SNTG1: variants seen among roughly 807,000 people sequenced by gnomAD.
SNTG1 encodes gamma-1-syntrophin.
SNTG1 carries 39 observed loss-of-function variants against 74.7 expected under a neutral mutation model. The ratio of observed to expected loss-of-function variants is 0.52; its 90% CI spans 0.40 to 0.68. The LOEUF is 0.68. SNTG1 is among the 30% of genes least tolerant of loss of function. SNTG1 has a pLI of 0.00. For synonymous variants in SNTG1, 254 were observed against 217.1 expected, an observed-to-expected ratio of 1.17 and a Z score of -1.49; for missense variants, 685 against 609.5, an observed-to-expected ratio of 1.12 and a Z score of -1.30.
intron 2 of SNTG1, among the ~76,000 whole-genome samples, chr8:50,218,210 C>T (rs1247319557): frequency 1.3e-5 from 2 of 152,174 alleles, no homozygotes; most frequent in Non-Finnish European, 2.9e-5. Flanking sequence ...TACCAACTAT[C>T]TCTGAGGAAT....
chr8:50,148,342 C>T (rs1051178566), intron 1 of SNTG1, among the ~76,000 whole-genome samples: 2 of 151,998 alleles, frequency 1.3e-5, no homozygotes, highest in Admixed American at 1.3e-4. Flanking sequence ...GTAGGTTGGA[C>T]TTAGAGACTC....
At chr8:50,033,473 A>G (rs1416676225) in intron 1 of SNTG1, among the ~76,000 whole-genome samples, 1 of 152,154 alleles carries the variant, frequency 6.6e-6, no homozygotes, top group Non-Finnish European at 1.5e-5. Flanking sequence ...ATGTCTTTGT[A>G]TTAGTTTGCT....
Position 49,959,909 on chromosome 8 carries a change from G to A in SNTG1, c.-103+47678G>A, listed in dbSNP as rs569140078. On this transcript the variant is annotated intron_variant, in intron 1 of 18. Transcript: ENST00000642720. ...GAATCCTTTAAGGTAAAATGGATGA[G>A]GATTTCTAGTTTAACCCTTATGCTT... Among the ~76,000 whole-genome samples the A allele has an allele frequency of 2.6e-5, 4 of 152,174 alleles. No homozygotes were observed. The South Asian group carries it at 8.3e-4, about 32-fold the overall frequency.
At chr8:50,482,147 T>C (rs2093746115) in intron 8 of SNTG1, among the ~76,000 whole-genome samples, 1 of 152,218 alleles carries the variant, frequency 6.6e-6, no homozygotes, top group East Asian at 1.9e-4. Context: ...GTTGTAGCTG[T>C]GGACTAGCTC....
intron 2 of SNTG1, among the ~76,000 whole-genome samples, chr8:50,246,281 C>A (rs1487970063): frequency 1.3e-5 from 2 of 151,758 alleles, no homozygotes; most frequent in African/African-American, 2.4e-5. Flanking sequence ...GGAGCAGATA[C>A]AAGGGGACAT....
At chr8:50,111,797 T>G (rs2080603148) in intron 1 of SNTG1, among the ~76,000 whole-genome samples, 1 of 152,052 alleles carries the variant, frequency 6.6e-6, no homozygotes, top group Non-Finnish European at 1.5e-5. Context: ...AGAATAACTC[T>G]GTGGCCAAAT....
intron 2 of SNTG1, among the ~76,000 whole-genome samples, chr8:50,177,374 C>T (rs965268687): frequency 6.6e-6 from 1 of 152,132 alleles, no homozygotes; most frequent in Admixed American, 6.5e-5. Flanking sequence ...GCTCTCACTA[C>T]CCCATGGTTA....
At chr8:50,318,064 C>T (rs1171797730) in intron 2 of SNTG1, among the ~76,000 whole-genome samples, 1 of 152,092 alleles carries the variant, frequency 6.6e-6, no homozygotes, top group Non-Finnish European at 1.5e-5. Context: ...TCTCGATCTC[C>T]TGACCTCGTG....
At chr8:50,115,714 T>C (rs2080796875) in intron 1 of SNTG1, among the ~76,000 whole-genome samples, 1 of 152,010 alleles carries the variant, frequency 6.6e-6, no homozygotes, top group South Asian at 2.1e-4. Context: ...TCTAGAACTT[T>C]ATTGTTTACA....
At chr8:50,785,356 T>C (rs560152753) in intron 18 of SNTG1, among the ~76,000 whole-genome samples, 3 of 151,890 alleles carry the variant, frequency 2.0e-5, no homozygotes, top group African/African-American at 7.2e-5. Flanking sequence ...TAAAAGAAGG[T>C]ATATTTTAGA....
chr8:50,116,551 A>G (rs1381389456), intron 1 of SNTG1, among the ~76,000 whole-genome samples: 10 of 152,196 alleles, frequency 6.6e-5, no homozygotes, highest in Admixed American at 6.5e-4. Flanking sequence ...GTCATTGCGT[A>G]CCTAATTCGT....
intron 9 of SNTG1, among the ~76,000 whole-genome samples, chr8:50,517,002 A>G (rs1230872825): frequency 6.6e-6 from 1 of 152,148 alleles, no homozygotes; most frequent in Non-Finnish European, 1.5e-5. Context: ...ATCAGATTCA[A>G]CACGGTTGAA....
intron 15 of SNTG1, among the ~76,000 whole-genome samples, chr8:50,698,621 C>G (rs1355884767): frequency 6.6e-6 from 1 of 152,114 alleles, no homozygotes; most frequent in Non-Finnish European, 1.5e-5. Flanking sequence ...GTTAGAGCCT[C>G]TTTAATGACA....
intron 15 of SNTG1, among the ~76,000 whole-genome samples, chr8:50,700,712 C>T (rs1028994007): frequency 5.3e-5 from 8 of 152,166 alleles, no homozygotes; most frequent in African/African-American, 1.4e-4. Context: ...GATGATTTAT[C>T]GTTCCTTATT....
At chr8:50,221,512 TACACACAC>T (rs71550218) in intron 2 of SNTG1, among the ~76,000 whole-genome samples, 85 of 130,194 alleles carry the variant, frequency 6.5e-4, no homozygotes, top group East Asian at 1.2e-3. Flanking sequence ...AACACACACA[TACACACAC>T]ACACACACAC....
chr8:50,708,836 G>T, intron 16 of SNTG1, 50 bp from the exon 17 acceptor site: 1 of 1,210,740 alleles, frequency 8.3e-7, no homozygotes, highest in Non-Finnish European at 1.2e-6. Flanking sequence ...TCATAATATT[G>T]ATATTGCATC....
intron 2 of SNTG1, among the ~76,000 whole-genome samples, chr8:50,314,549 C>CCAGT (rs2090242397): frequency 6.7e-6 from 1 of 149,590 alleles, no homozygotes; most frequent in Admixed American, 6.8e-5. Flanking sequence ...GGCACACCAA[C>CCAGT]CAGTCATCCA....
chr8:50,052,772 C>T (rs1819686592), intron 1 of SNTG1, among the ~76,000 whole-genome samples: 1 of 151,894 alleles, frequency 6.6e-6, no homozygotes, highest in Non-Finnish European at 1.5e-5. Flanking sequence ...GATATTTCTC[C>T]AAAAGAAGAA....
chr8:49,987,543 G>T (rs938734026), intron 1 of SNTG1, among the ~76,000 whole-genome samples: 3 of 151,942 alleles, frequency 2.0e-5, no homozygotes, highest in Admixed American at 1.3e-4. Context: ...GAGCATTTTT[G>T]AATATAGTTG....
Sources: allele counts gnomAD v4.1 joint callset (sites outside exome capture counted in the v4.1 genomes callset), GRCh38; gene constraint gnomAD v4.1.1; transcripts MANE v1.5; gene names NCBI Gene and HGNC (gene_info 2026-07-23, HGNC 2026-07-21).